THSD4: variants seen among roughly 807,000 people sequenced by gnomAD.
THSD4 encodes thrombospondin type-1 domain-containing protein 4.
In THSD4, 69 loss-of-function variants were observed where a neutral mutation model predicts 119.0. That is an observed-to-expected ratio of 0.58 (90% CI 0.48 to 0.71). The LOEUF (loss-of-function observed/expected upper bound fraction) is 0.71. THSD4 is among the 30% of genes least tolerant of loss of function. The pLI is 0.00. For missense variants in THSD4, 1,393 were observed against 1,391.1 expected, an observed-to-expected ratio of 1.00 and a Z score of -0.02; for synonymous variants, 524 against 540.4, an observed-to-expected ratio of 0.97 and a Z score of 0.42.
chr15:71,276,161 C>T (rs917681115), intron 6 of THSD4, among the ~76,000 whole-genome samples: 46 of 152,218 alleles, frequency 3.0e-4, no homozygotes, highest in African/African-American at 1.0e-3. Flanking sequence ...GTGCACCCCT[C>T]TTTCCTTTTA....
chr15:71,174,448 C>G (rs1482763495), intron 3 of THSD4, among the ~76,000 whole-genome samples: 1 of 143,666 alleles, frequency 7.0e-6, no homozygotes, highest in Non-Finnish European at 1.5e-5. Flanking sequence ...AAACGGCGCA[C>G]CACGAGACTA....
At chr15:71,653,691 T>C (rs900093460) in intron 7 of THSD4, among the ~76,000 whole-genome samples, 1 of 152,236 alleles carries the variant, frequency 6.6e-6, no homozygotes, top group Admixed American at 6.5e-5. Context: ...ACCAAAGCAG[T>C]TCTGCTCTTC....
chr15:71,658,032 T>C (rs2051224910), intron 7 of THSD4, among the ~76,000 whole-genome samples: 1 of 152,196 alleles, frequency 6.6e-6, no homozygotes, highest in Non-Finnish European at 1.5e-5. Flanking sequence ...TCATTCATTC[T>C]TGAAATATCT....
chr15:71,437,017 G>A (rs550262693), intron 7 of THSD4, among the ~76,000 whole-genome samples: 60 of 152,292 alleles, frequency 3.9e-4, no homozygotes, highest in Non-Finnish European at 7.1e-4. Context: ...AAAGAAAAGA[G>A]GTTTATTTGG....
At chr15:71,653,574 T>G (rs566688271) in intron 7 of THSD4, among the ~76,000 whole-genome samples, 4 of 152,208 alleles carry the variant, frequency 2.6e-5, no homozygotes, top group African/African-American at 9.6e-5. Context: ...GAAAGACCTT[T>G]CAGGACCAAA....
At chr15:71,201,587 T>C (rs76502844) in intron 3 of THSD4, among the ~76,000 whole-genome samples, 3,762 of 152,306 alleles carry the variant, frequency 0.025, 156 homozygotes, top group African/African-American at 0.084. Flanking sequence ...TTTAATACAG[T>C]GATATTTCCT....
intron 6 of THSD4, among the ~76,000 whole-genome samples, chr15:71,364,507 G>T (rs1415205791): frequency 1.3e-5 from 2 of 152,196 alleles, no homozygotes; most frequent in African/African-American, 4.8e-5. Context: ...TGCGGAAAAT[G>T]ATACCTCCCT....
chr15:71,748,445 C>G lies in THSD4; in HGVS notation c.2266C>G (p.Gln756Glu). ...GTGCTCGGTGCCCTGCGGCGTGGGA[C>G]AGAGGACCCGTGATGTGAAGTGTGT... The part of the protein sequence containing the change: ...TSCSVPCGVG[Q>E]RTRDVKCVSN... The change falls in exon 14 of 18, where the codon CAG becomes GAG. Residue 756 changes from glutamine (Q) to glutamate (E), a missense_variant. Gln to Glu is a conservative substitution (Grantham distance 29, BLOSUM62 2). Coordinates refer to ENST00000261862, the MANE Select transcript of THSD4 (RefSeq NM_024817.3). 6.2e-7 allele frequency: 1 copy of G among 1,614,140 alleles called. No individual in the cohort carries two copies.
chr15:71,749,121 A>T (rs2053397349), intron 14 of THSD4, among the ~76,000 whole-genome samples: 1 of 152,234 alleles, frequency 6.6e-6, no homozygotes, highest in Admixed American at 6.5e-5. Flanking sequence ...CAAAAGGAGG[A>T]TTTATATGAA....
intron 7 of THSD4, among the ~76,000 whole-genome samples, chr15:71,445,547 A>G (rs1003302293): frequency 1.3e-5 from 2 of 152,100 alleles, no homozygotes; most frequent in African/African-American, 4.8e-5. Context: ...TCATCTCACA[A>G]CCTCAGAGTG....
chr15:71,603,644 G>A (rs961121993), intron 7 of THSD4, among the ~76,000 whole-genome samples: 2 of 146,730 alleles, frequency 1.4e-5, no homozygotes, highest in African/African-American at 2.5e-5. Context: ...TGAGCAAGCC[G>A]ATGGGATTTT....
intron 6 of THSD4, among the ~76,000 whole-genome samples, chr15:71,315,891 T>G (rs536795428): frequency 7.2e-5 from 11 of 152,336 alleles, no homozygotes; most frequent in African/African-American, 2.6e-4. Context: ...CCTTCTATAT[T>G]CTTAGTAGTA....
intron 7 of THSD4, among the ~76,000 whole-genome samples, chr15:71,660,149 T>C (rs1383726044): frequency 6.6e-6 from 1 of 152,168 alleles, no homozygotes; most frequent in Non-Finnish European, 1.5e-5. Flanking sequence ...AAACTTCAGT[T>C]TCAGATGTGG....
intron 7 of THSD4, among the ~76,000 whole-genome samples, chr15:71,521,874 G>T (rs1407458610): frequency 6.6e-6 from 1 of 152,172 alleles, no homozygotes; most frequent in African/African-American, 2.4e-5. Flanking sequence ...AGTAAGCTGG[G>T]ATCCTTCTTC....
At chr15:71,691,024 G>C (rs934817492) in intron 8 of THSD4, among the ~76,000 whole-genome samples, 1 of 152,210 alleles carries the variant, frequency 6.6e-6, no homozygotes, top group African/African-American at 2.4e-5. Flanking sequence ...GGTGAGTCCA[G>C]TGTAACCACA....
intron 6 of THSD4, among the ~76,000 whole-genome samples, chr15:71,359,897 T>C (rs1304189351): frequency 6.6e-6 from 1 of 152,196 alleles, no homozygotes; most frequent in African/African-American, 2.4e-5. Context: ...ATTCATCTTC[T>C]GTCCTTCCCA....
intron 7 of THSD4, among the ~76,000 whole-genome samples, chr15:71,557,995 T>C (rs773173016): frequency 2.0e-5 from 3 of 152,170 alleles, no homozygotes; most frequent in Non-Finnish European, 4.4e-5. Context: ...CGCGGGTTTA[T>C]TTATGTCATC....
chr15:71,510,325 A>C (rs934535617), intron 7 of THSD4, among the ~76,000 whole-genome samples: 1 of 152,216 alleles, frequency 6.6e-6, no homozygotes, highest in Non-Finnish European at 1.5e-5. Flanking sequence ...GCCTACTGAA[A>C]GGACAAATCT....
intron 13 of THSD4, among the ~76,000 whole-genome samples, chr15:71,747,771 C>T (rs2053367785): frequency 1.3e-5 from 2 of 152,204 alleles, no homozygotes; most frequent in South Asian, 4.1e-4. Context: ...TCTTCAATGT[C>T]CACAGGTTAC....
Sources: gnomAD v4.1 joint callset for allele counts (sites outside exome capture counted in the v4.1 genomes callset) on GRCh38, gnomAD v4.1.1 for gene constraint, MANE v1.5 for transcripts, NCBI Gene and HGNC (gene_info 2026-07-23, HGNC 2026-07-21) for gene names.